COL17A1: variants seen among roughly 807,000 people sequenced by gnomAD.
COL17A1 encodes the protein collagen type XVII alpha 1 chain, also known as collagen alpha-1(XVII) chain.
Under a neutral mutation model 218.4 loss-of-function variants are expected in COL17A1, and 181 were observed. The ratio of observed to expected loss-of-function variants is 0.83; its 90% confidence interval spans 0.73 to 0.94. COL17A1 has a LOEUF of 0.94. Among genes scored for constraint, COL17A1 ranks in the 40% least tolerant of loss-of-function variants. The pLI, the probability that COL17A1 is intolerant of heterozygous loss-of-function variation, is 0.00. For missense variants in COL17A1, 1,924 were observed against 1,945.9 expected (o/e 0.99, Z 0.21); for synonymous variants, 721 against 731.0 (o/e 0.99, Z 0.22).
In COL17A1 at chr10:104,070,708, C is replaced by T. The variant is rs1004111151; in HGVS notation, c.464-139G>A. The T allele has an allele frequency of 7.0e-6, 11 of 1,574,842 alleles. No individual in the cohort carries two copies. The Admixed American group carries it at 1.9e-4, about 28-fold the overall frequency. ...TCACACATTGGAACTTTTTGCTTGGCTTTATAATATTCACATTTTACTAAT... is the reference window on the plus strand; with the variant it reads ...TCACACATTGGAACTTTTTGCTTGGTTTTATAATATTCACATTTTACTAAT... On this transcript the variant is annotated intron_variant, in intron 8 of 55. Coordinates refer to ENST00000648076, the MANE Select transcript of COL17A1 (RefSeq NM_000494.4).
At chr10:104,082,038 C>T (rs1291640013) in intron 1 of COL17A1, among the ~76,000 whole-genome samples, 17 of 152,218 alleles carry the variant, frequency 1.1e-4, no homozygotes, top group Admixed American at 1.0e-3. Flanking sequence ...ATGAGACCAG[C>T]TGATCAACGA....
chr10:104,051,795 G>C (rs2086472328), intron 24 of COL17A1, among the ~76,000 whole-genome samples: 1 of 152,334 alleles, frequency 6.6e-6, no homozygotes. Context: ...TTCTCCCTGG[G>C]TTGCCCAGAC....
At chr10:104,055,708 T>G in intron 18 of COL17A1, 74 bp downstream of exon 18, 2 of 1,584,366 alleles carry the variant, frequency 1.3e-6, no homozygotes, top group Non-Finnish European at 1.7e-6. Flanking sequence ...TCACAGCACA[T>G]GCACACATAC....
chr10:104,056,839 A>G (rs2086532844), intron 17 of COL17A1, 136 bp downstream of exon 17: 1 of 1,504,996 alleles, frequency 6.6e-7, no homozygotes, highest in African/African-American at 1.4e-5. Context: ...TGCGGTAACA[A>G]GGGTCTGCAC....
Position 104,078,595 on chromosome 10 carries a change from A to G in COL17A1, c.53-9T>C, listed in dbSNP as rs373757033. The G allele has an allele frequency of 4.6e-5, 75 of 1,614,130 alleles. No individual in the cohort carries two copies. In the Middle Eastern group the frequency reaches 6.6e-4, roughly 14 times the overall value. ...TACTGTTTCAGTGACAACTAGAAAA[A>G]GACAAAGAAAAGATGAGTTCTTATG... On this transcript the variant is annotated splice_polypyrimidine_tract_variant and intron_variant, in intron 2 of 55. Transcript: ENST00000648076.
rs555880662 is a variant in COL17A1, at chr10:104,064,689, G to T, written c.608-93C>A. ...CACCTCATTTTGCTGGGATTTCCTGGTTTGGGCATTGAAAGCCCCACATTT... is the reference window on the plus strand; with the variant it reads ...CACCTCATTTTGCTGGGATTTCCTGTTTTGGGCATTGAAAGCCCCACATTT... On this transcript the variant is annotated intron_variant, in intron 9 of 55. Transcript: ENST00000648076. 2.4e-4 allele frequency: 298 copies of T among 1,262,572 alleles called. 3 individuals are homozygous for T. The South Asian group carries it at 3.7e-3, about 15-fold the overall frequency. 78.2% of individuals were successfully genotyped at this position (1,262,572 alleles called of 1,614,324 possible).
At chr10:104,051,008 C>T (rs539161805) in intron 25 of COL17A1, 107 bp from the exon 26 acceptor site, 80 of 1,561,164 alleles carry the variant, frequency 5.1e-5, no homozygotes, top group Non-Finnish European at 6.6e-5. Flanking sequence ...ATGCACACAC[C>T]CTATAGTAAA....
At chr10:104,038,188 G>T (rs918666136) in intron 45 of COL17A1, among the ~76,000 whole-genome samples, 1 of 151,480 alleles carries the variant, frequency 6.6e-6, no homozygotes, top group Non-Finnish European at 1.5e-5. Flanking sequence ...TGTAGGCCTG[G>T]CTCTGCAGGG....
intron 12 of COL17A1, among the ~76,000 whole-genome samples, chr10:104,061,699 CA>C (rs1246268219): frequency 6.6e-6 from 1 of 152,188 alleles, no homozygotes; most frequent in Non-Finnish European, 1.5e-5. Context: ...CCTAGACCCC[CA>C]TGCATCTCCT....
rs567807775 is a variant in COL17A1 at position 104,061,625 on chromosome 10, G to C, written c.911-152C>G. ...CTCCAGCCATGGGGACAGTAATGAG[G>C]GTTTAGATGGAACGTTCTTAGGTAT... On this transcript the variant is annotated intron_variant, in intron 12 of 55. Transcript: ENST00000648076. 1.1e-4 allele frequency: 75 copies of C among 691,474 alleles called. No individual in the cohort carries two copies. In the African/African-American group the frequency reaches 1.2e-3, roughly 11 times the overall value. The allele number at this position is 691,474 out of a possible 1,614,324, so 42.8% of individuals were successfully genotyped here. A position where few individuals can be genotyped will look rare whatever the true frequency, so the allele number is the denominator to read the frequency against.
At chr10:104,036,203 G>GGTGTGTGTGTATGGGAGT in intron 48 of COL17A1, among the ~76,000 whole-genome samples, 1 of 142,062 alleles carries the variant, frequency 7.0e-6, no homozygotes, top group Non-Finnish European at 1.5e-5. Flanking sequence ...TGTGTGTATG[G>GGTGTGTGTGTATGGGAGT]GAGTGTGAGT....
chr10:104,085,408 T>C (rs2086797877), intron 1 of COL17A1, among the ~76,000 whole-genome samples: 1 of 152,168 alleles, frequency 6.6e-6, no homozygotes, highest in African/African-American at 2.4e-5. Flanking sequence ...GCCCGTATCA[T>C]ATTCTAAATA....
Position 104,037,666 on chromosome 10 carries a change from GCT to G in COL17A1, c.3176_3177del (p.Glu1059AlafsTer26). ...TITGETFDYS[E>X]LASHVVSYLR... is the part of the protein sequence containing the mutation. Reference sequence around the variant, plus strand: ...AAGTAGCTCACAACGTGGCTTGCCAGCTCTGAGTAGTCGAAAGTCTCGCCTGT... The same window carrying G: ...AAGTAGCTCACAACGTGGCTTGCCAGCTGAGTAGTCGAAAGTCTCGCCTGT... On this transcript the variant is annotated frameshift_variant, in exon 46 of 56. Coordinates refer to ENST00000648076, the MANE Select transcript of COL17A1 (RefSeq NM_000494.4). LOFTEE classifies it high-confidence loss of function. The G allele has an allele frequency of 4.3e-6, 7 of 1,614,214 alleles. No homozygotes were observed. Among genetic ancestry groups the G allele is most frequent in the Non-Finnish European group, 5.9e-6 (7 of 1,180,048 alleles).
chr10:104,064,611 A>G lies in COL17A1; in HGVS notation c.608-15T>C, dbSNP rs754599145. ...GGTGCCTGACACTGGAAACAGACACATGCACACACCCCAGTGAGAGACAAA... is the reference window on the plus strand; with the variant it reads ...GGTGCCTGACACTGGAAACAGACACGTGCACACACCCCAGTGAGAGACAAA... On this transcript the variant is annotated splice_polypyrimidine_tract_variant and intron_variant, in intron 9 of 55. Coordinates refer to ENST00000648076, the MANE Select transcript of COL17A1 (RefSeq NM_000494.4). The G allele has an allele frequency of 1.2e-6, 2 of 1,608,118 alleles. No homozygotes were observed. Among genetic ancestry groups the G allele is most frequent in the Admixed American group, 3.4e-5 (2 of 59,574 alleles).
In COL17A1 at chr10:104,063,813, C is replaced by T. The variant is rs139445116; in HGVS notation, c.772G>A (p.Gly258Arg). The T allele has an allele frequency of 4.4e-5, 71 of 1,614,108 alleles. No homozygotes were observed. The East Asian group carries it at 8.5e-4, about 19-fold the overall frequency. Residue 258 changes from glycine (G) to arginine (R), a missense_variant, in exon 11 of 56, where the codon GGA (glycine) becomes AGA (arginine). Coordinates refer to ENST00000648076, the MANE Select transcript of COL17A1 (RefSeq NM_000494.4). ...TNAYSAGSVF[G>R]VPNNMASCSP... ...CAGGACGCCATGTTGTTTGGAACTC[C>T]GAAGACTGCAGGGGCAAGGAGGAAG...
Position 104,070,339 on chromosome 10 carries a change from T to C in COL17A1, c.607+87A>G. 5 of 1,588,070 alleles carry C rather than the reference T, an allele frequency of 3.1e-6. No individual in the cohort carries two copies. In the Admixed American group the frequency reaches 9.0e-5, roughly 29 times the overall value. ...CCAATTTCAAGTCTCACTTTCACTG[T>C]TCTCTGGGTCTCTGAGTCCACTCTT... On this transcript the variant is annotated intron_variant, in intron 9 of 55. Transcript: ENST00000648076.
chr10:104,063,673 T>C, intron 11 of COL17A1, 74 bp downstream of exon 11: 1 of 1,601,810 alleles, frequency 6.2e-7, no homozygotes, highest in Non-Finnish European at 8.5e-7. Context: ...AAGGCCTTCA[T>C]GCTCTTGGGT....
chr10:104,069,538 C>T (rs1203579912), intron 9 of COL17A1, among the ~76,000 whole-genome samples: 1 of 152,188 alleles, frequency 6.6e-6, no homozygotes, highest in African/African-American at 2.4e-5. Context: ...CCCAGTAGCA[C>T]TCCTTAGGAT....
intron 25 of COL17A1, 38 bp from the exon 26 acceptor site, chr10:104,050,939 C>T (rs751661607): frequency 7.4e-6 from 12 of 1,613,906 alleles, no homozygotes; most frequent in Admixed American, 3.3e-5. Flanking sequence ...AGATGAGTAT[C>T]CCTAGCTTTG....
Sources: allele counts gnomAD v4.1 joint callset (sites outside exome capture counted in the v4.1 genomes callset), GRCh38; gene constraint gnomAD v4.1.1; transcripts MANE v1.5; gene names NCBI Gene and HGNC (gene_info 2026-07-23, HGNC 2026-07-21).